Variants in KDM2B observed in about 807,000 individuals in gnomAD.
The protein encoded by KDM2B is lysine demethylase 2B, also known as lysine-specific demethylase 2B.
KDM2B carries 26 observed loss-of-function variants against 150.0 expected under a neutral mutation model. The ratio of observed to expected loss-of-function variants is 0.17; its 90% CI spans 0.13 to 0.24. The LOEUF is 0.24. Ranked by LOEUF, KDM2B falls within the 10% of genes least tolerant of loss-of-function variation. KDM2B has a pLI of 1.00. For synonymous variants in KDM2B, 734 were observed against 729.5 expected (o/e 1.01, Z -0.10); for missense variants, 1,265 against 1,816.9 (o/e 0.70, Z 5.52).
At chr12:121,420,683 G>C in the KDM2B span, 2 of 1,614,034 alleles carry the variant, frequency 1.2e-6, no homozygotes, top group Non-Finnish European at 1.7e-6. Context: ...ATTCTGGCTC[G>C]GAATTTTGTC....
intron 10 of KDM2B, among the ~76,000 whole-genome samples, chr12:121,512,439 A>T (rs1376914434): frequency 2.0e-5 from 3 of 152,144 alleles, no homozygotes; most frequent in African/African-American, 7.2e-5. Flanking sequence ...ATAAAAAAAG[A>T]ATCTAAAAAT....
intron 22 of KDM2B, among the ~76,000 whole-genome samples, chr12:121,436,330 G>T (rs999525052): frequency 1.3e-4 from 20 of 152,192 alleles, no homozygotes; most frequent in African/African-American, 4.8e-4. Flanking sequence ...AACCATCCTG[G>T]CTAACACGGT....
chr12:121,532,897 T>C lies in KDM2B; in HGVS notation c.840A>G (p.Ser280=), dbSNP rs375985127. ...NLALYEEWVL[S]GKQSDIFLGD... The stretch of plus-strand genomic sequence containing the variant: ...CCAGAAAGATGTCACTCTGTTTGCC[T>C]GACAGCACCCACTCCTCGTACAGCG... The change falls in exon 8 of 23, where the codon TCA becomes TCG. Residue 280 remains serine (S), a synonymous_variant. Coordinates refer to ENST00000377071, the MANE Select transcript of KDM2B (RefSeq NM_032590.5). 5.0e-6 allele frequency: 8 copies of C among 1,614,108 alleles called. No homozygotes were observed. In the African/African-American group the frequency reaches 9.3e-5, roughly 19 times the overall value.
intron 11 of KDM2B, among the ~76,000 whole-genome samples, chr12:121,505,388 T>TA (rs1479450137): frequency 6.6e-6 from 1 of 151,668 alleles, no homozygotes; most frequent in East Asian, 1.9e-4. Flanking sequence ...TACCATAATT[T>TA]AAAAAATACA....
intron 21 of KDM2B, chr12:121,440,409 T>A (rs1874788105): frequency 4.8e-6 from 2 of 415,514 alleles, no homozygotes. Context: ...TCCAGCCCAG[T>A]CCAGGGGGAG....
At chr12:121,493,449 G>A (rs142474648) in intron 12 of KDM2B, among the ~76,000 whole-genome samples, 1 of 152,264 alleles carries the variant, frequency 6.6e-6, no homozygotes, top group Non-Finnish European at 1.5e-5. Flanking sequence ...ACTTGTCCAA[G>A]GAAGTAGTGA....
chr12:121,538,058 A>T lies in KDM2B; in HGVS notation c.684-3468T>A, dbSNP rs575987081. The stretch of plus-strand genomic sequence containing the variant: ...CCACGGCGCTGCCAGGCCCCGGCCG[A>T]GGACGCGGGGCCCCCGCTCGCTGCC... On this transcript the variant is annotated intron_variant, in intron 6 of 22. Transcript: ENST00000377071. Among the ~76,000 whole-genome samples the T allele has an allele frequency of 7.4e-5, 11 of 149,430 alleles. No individual in the cohort carries two copies. The South Asian group carries it at 2.5e-3, about 34-fold the overall frequency.
In KDM2B at chr12:121,487,309, T is replaced by G. The variant is rs1593918024; in HGVS notation, c.1734+7270A>C. On this transcript the variant is annotated intron_variant, in intron 12 of 22. Coordinates refer to ENST00000377071, the MANE Select transcript of KDM2B (RefSeq NM_032590.5). ...AACATTCTCTGTGGGCATTCGTTGA[T>G]TGGAGGTTTTTATGGACCTCCCAAG... 2.6e-5 allele frequency among the ~76,000 whole-genome samples: 4 copies of G among 152,196 alleles called. No individual in the cohort carries two copies. The East Asian group carries it at 7.7e-4, about 29-fold the overall frequency.
chr12:121,418,148 T>G, the KDM2B span: 1 of 520,836 alleles, frequency 1.9e-6, no homozygotes, highest in African/African-American at 1.9e-5. Flanking sequence ...CATCAGTCTC[T>G]TGGCCTTAGT....
intron 9 of KDM2B, chr12:121,516,540 G>C: frequency 7.0e-7 from 1 of 1,434,480 alleles, no homozygotes; most frequent in Non-Finnish European, 9.1e-7. Context: ...TTAAACATAC[G>C]GTTGCTCAAC....
Position 121,467,242 on chromosome 12 carries a change from T to A in KDM2B, c.1735-13898A>T. On this transcript the variant is annotated intron_variant, in intron 12 of 22. Coordinates refer to ENST00000377071, the MANE Select transcript of KDM2B (RefSeq NM_032590.5). The surrounding 1 kb of genome is among the most constrained non-coding windows in gnomAD (Gnocchi z 5.1). Reference sequence around the variant, plus strand: ...ATGGTGGGCCCAGGCTCGCGCGCGCTGACATGGCTGGAGCGGCGCCGCCGC... The same window carrying A: ...ATGGTGGGCCCAGGCTCGCGCGCGCAGACATGGCTGGAGCGGCGCCGCCGC... 4 of 1,002,102 alleles carry A rather than the reference T, an allele frequency of 4.0e-6. No individual in the cohort carries two copies. Among genetic ancestry groups the A allele is most frequent in the Non-Finnish European group, 4.8e-6 (4 of 839,934 alleles). 62.1% of individuals were successfully genotyped at this position (1,002,102 alleles called of 1,614,324 possible).
chr12:121,434,488 G>A (rs1472502610), intron 22 of KDM2B, among the ~76,000 whole-genome samples: 3 of 131,226 alleles, frequency 2.3e-5, no homozygotes, highest in Non-Finnish European at 4.7e-5. Flanking sequence ...GCAACAGAGC[G>A]AGACTCTCTA....
In KDM2B at chr12:121,575,952, G is replaced by A. The variant is rs1318727031; in HGVS notation, c.272-93C>T. On this transcript the variant is annotated intron_variant, in intron 2 of 22. Coordinates refer to ENST00000377071, the MANE Select transcript of KDM2B (RefSeq NM_032590.5). The surrounding 1 kb of genome is among the most constrained non-coding windows in gnomAD (Gnocchi z 4.4). ...GGTTAGGGGAAGAAAACTGATGGAC[G>A]AAGGGGCAGGGGGTCCAGGAGATGC... 1.3e-5 allele frequency: 12 copies of A among 896,526 alleles called. No homozygotes were observed. The highest frequency in any genetic ancestry group is 2.2e-5 in the Non-Finnish European group (12 of 535,656). The allele number at this position is 896,526 out of a possible 1,614,324, so 55.5% of individuals were successfully genotyped here.
At chr12:121,495,785 C>T (rs543949018) in intron 11 of KDM2B, among the ~76,000 whole-genome samples, 9 of 152,274 alleles carry the variant, frequency 5.9e-5, no homozygotes, top group East Asian at 1.9e-4. Context: ...TGTGTGACGA[C>T]GTGTAAATGT....
rs1288687256 is a variant in KDM2B, at chr12:121,442,904, C to T, written c.2605-68G>A. On this transcript the variant is annotated intron_variant, in intron 18 of 22. Coordinates refer to ENST00000377071, the MANE Select transcript of KDM2B (RefSeq NM_032590.5). The surrounding 1 kb of genome is among the most constrained non-coding windows in gnomAD (Gnocchi z 7.7). Reference sequence around the variant, plus strand: ...GCTGCGCCCGCCCAAGGCCTCCCGCCCCCCTGCCACGGGACTGTGGCCCAG... The same window carrying T: ...GCTGCGCCCGCCCAAGGCCTCCCGCTCCCCTGCCACGGGACTGTGGCCCAG... 2.3e-5 allele frequency: 36 copies of T among 1,564,602 alleles called. No homozygotes were observed. Among genetic ancestry groups the T allele is most frequent in the Non-Finnish European group, 2.8e-5 (32 of 1,157,558 alleles).
At chr12:121,457,270 C>CTTTTT (rs1184274416) in intron 12 of KDM2B, among the ~76,000 whole-genome samples, 1 of 150,588 alleles carries the variant, frequency 6.6e-6, no homozygotes, top group Non-Finnish European at 1.5e-5. Flanking sequence ...CTTTTCTTTT[C>CTTTTT]TTTTTTTTTG....
At chr12:121,417,853 C>T in the KDM2B span, 17 of 1,613,946 alleles carry the variant, frequency 1.1e-5, no homozygotes, top group Admixed American at 1.7e-5. The surrounding 1 kb of genome is among the most constrained non-coding windows in gnomAD (Gnocchi z 5.0). Flanking sequence ...ACTATGTCTT[C>T]GTTTCAGGGA....
At chr12:121,534,676 G>A in intron 6 of KDM2B, 86 bp from the exon 7 acceptor site, 2 of 945,046 alleles carry the variant, frequency 2.1e-6, no homozygotes, top group Non-Finnish European at 3.3e-6. Flanking sequence ...TCCTGAACTG[G>A]TGCCCTTTTA....
intron 4 of KDM2B, among the ~76,000 whole-genome samples, chr12:121,560,626 G>T (rs1229466811): frequency 1.3e-5 from 2 of 151,854 alleles, no homozygotes; most frequent in South Asian, 2.1e-4. Flanking sequence ...AATGTATAAA[G>T]TGGGCAGGGG....
Sources: gnomAD v4.1 joint callset for allele counts (sites outside exome capture counted in the v4.1 genomes callset) on GRCh38, gnomAD v4.1.1 for gene constraint, Gnocchi (gnomAD v3.1) non-coding constraint, MANE v1.5 for transcripts, NCBI Gene and HGNC (gene_info 2026-07-23, HGNC 2026-07-21) for gene names.